LYPLA1: variants seen among roughly 807,000 people sequenced by gnomAD.
LYPLA1 encodes the protein lysophospholipase 1, also known as acyl-protein thioesterase 1.
In LYPLA1, 17 loss-of-function variants were observed where a neutral mutation model predicts 34.0. The observed-to-expected ratio is 0.50, with a 90% CI of 0.34 to 0.75. The LOEUF (loss-of-function observed/expected upper bound fraction) is 0.75, where lower values mean the gene tolerates loss of function less well. Among genes scored for constraint, LYPLA1 ranks in the 30% least tolerant of loss-of-function variants. LYPLA1 has a pLI of 0.01. For synonymous variants in LYPLA1, 98 were observed against 100.8 expected (o/e 0.97, Z 0.17); for missense variants, 203 against 288.8 (o/e 0.70, Z 2.15).
chr8:54,076,556 C>A (rs914874351), intron 2 of LYPLA1, among the ~76,000 whole-genome samples: 21 of 152,152 alleles, frequency 1.4e-4, no homozygotes, highest in African/African-American at 5.1e-4. Context: ...TATAAACTGG[C>A]CCCAAAACTG....
chr8:54,076,288 G>A (rs934593621), intron 2 of LYPLA1, among the ~76,000 whole-genome samples: 22 of 152,182 alleles, frequency 1.4e-4, no homozygotes, highest in South Asian at 6.2e-4. Flanking sequence ...TTAATGCCAG[G>A]AACTGGAGTG....
At chr8:54,080,681 G>A (rs1478876512) in intron 2 of LYPLA1, among the ~76,000 whole-genome samples, 1 of 152,098 alleles carries the variant, frequency 6.6e-6, no homozygotes, top group Non-Finnish European at 1.5e-5. Flanking sequence ...TCCGCCTCCT[G>A]AGTAAAAGTG....
chr8:54,081,781 G>A (rs1430936359), intron 2 of LYPLA1, among the ~76,000 whole-genome samples: 31 of 151,024 alleles, frequency 2.1e-4, no homozygotes, highest in Non-Finnish European at 3.8e-4. Flanking sequence ...CCAGGCTGGA[G>A]TGCAATGGTG....
intron 7 of LYPLA1, among the ~76,000 whole-genome samples, 169 bp downstream of exon 7, chr8:54,052,486 G>T (rs1805912639): frequency 6.6e-6 from 1 of 152,088 alleles, no homozygotes; most frequent in Non-Finnish European, 1.5e-5. Context: ...TGTGGGGACA[G>T]GAGGTAGATA....
intron 2 of LYPLA1, among the ~76,000 whole-genome samples, chr8:54,090,181 A>T (rs991408020): frequency 6.6e-6 from 1 of 152,216 alleles, no homozygotes; most frequent in African/African-American, 2.4e-5. Context: ...CCACATGGAT[A>T]AGATAGGGCT....
intron 2 of LYPLA1, among the ~76,000 whole-genome samples, chr8:54,074,165 T>C (rs7016108): frequency 0.13 from 19,782 of 152,076 alleles, 3,415 homozygotes; most frequent in African/African-American, 0.4. Context: ...TCCCAGCTAC[T>C]TGGGAGACTG....
intron 2 of LYPLA1, among the ~76,000 whole-genome samples, chr8:54,086,437 T>TAAAAAAAAAAAAAAAAAAA (rs1808774324): frequency 9.2e-5 from 3 of 32,730 alleles, no homozygotes; most frequent in Non-Finnish European, 1.6e-4. Context: ...ACTAAAAAAA[T>TAAAAAAAAAAAAAAAAAAA]TAAAAAAAAA....
chr8:54,091,308 T>C (rs544887392), intron 2 of LYPLA1, among the ~76,000 whole-genome samples: 3 of 151,884 alleles, frequency 2.0e-5, no homozygotes, highest in African/African-American at 7.2e-5. Context: ...GCCAACACGG[T>C]GAAACCCTGT....
chr8:54,089,623 A>T (rs1809070385), intron 2 of LYPLA1, among the ~76,000 whole-genome samples: 1 of 150,850 alleles, frequency 6.6e-6, no homozygotes, highest in South Asian at 2.1e-4. Context: ...CTTGTTTGCC[A>T]ACCTCTTTTT....
intron 6 of LYPLA1, among the ~76,000 whole-genome samples, chr8:54,054,004 G>C (rs1338531280): frequency 6.6e-6 from 1 of 152,154 alleles, no homozygotes; most frequent in Non-Finnish European, 1.5e-5. Context: ...TTTTGAGACA[G>C]AGTCTCAGCT....
chr8:54,099,207 C>A (rs1430040549), intron 2 of LYPLA1, among the ~76,000 whole-genome samples: 1 of 152,072 alleles, frequency 6.6e-6, no homozygotes, highest in African/African-American at 2.4e-5. Flanking sequence ...AACCTTCTCC[C>A]TGACTTGCAA....
chr8:54,070,781 CAAT>C (rs1490020487), intron 2 of LYPLA1, among the ~76,000 whole-genome samples: 1 of 152,066 alleles, frequency 6.6e-6, no homozygotes, highest in African/African-American at 2.4e-5. Context: ...TATGATTCAA[CAAT>C]GAGAAGGAAG....
intron 2 of LYPLA1, among the ~76,000 whole-genome samples, chr8:54,079,845 A>G (rs1434914359): frequency 2.0e-5 from 3 of 152,094 alleles, no homozygotes; most frequent in Non-Finnish European, 2.9e-5. Context: ...CCTGTCTGTT[A>G]TCTCTGCAAA....
chr8:54,101,314 T>C (rs577593234), intron 1 of LYPLA1: 139 of 1,075,662 alleles, frequency 1.3e-4, no homozygotes, highest in Non-Finnish European at 1.5e-4. Flanking sequence ...GTTTGACTTT[T>C]CATACACGAG....
intron 2 of LYPLA1, among the ~76,000 whole-genome samples, chr8:54,084,998 CTCTTCCTCT>C (rs1808602548): frequency 8.3e-6 from 1 of 120,004 alleles, no homozygotes; most frequent in African/African-American, 6.5e-5. Flanking sequence ...CCTCTCCCTC[CTCTTCCTCT>C]CCCTCTCCCT....
intron 2 of LYPLA1, among the ~76,000 whole-genome samples, chr8:54,070,774 G>A (rs1478089371): frequency 6.6e-6 from 1 of 152,182 alleles, no homozygotes; most frequent in Non-Finnish European, 1.5e-5. Context: ...AACGGAGTAT[G>A]ATTCAACAAT....
intron 2 of LYPLA1, among the ~76,000 whole-genome samples, chr8:54,078,363 A>G (rs922601601): frequency 6.6e-6 from 1 of 152,178 alleles, no homozygotes; most frequent in Non-Finnish European, 1.5e-5. Context: ...CACCAAACCA[A>G]TCTGAGTTTA....
intron 2 of LYPLA1, among the ~76,000 whole-genome samples, chr8:54,068,934 A>G (rs1807272563): frequency 6.6e-6 from 1 of 152,240 alleles, no homozygotes; most frequent in Admixed American, 6.5e-5. Context: ...TAAAGTGTCT[A>G]GTATCCATAA....
intron 2 of LYPLA1, among the ~76,000 whole-genome samples, chr8:54,074,002 T>C (rs1807691962): frequency 6.6e-6 from 1 of 152,132 alleles, no homozygotes; most frequent in South Asian, 2.1e-4. Flanking sequence ...CAGCCAGGTG[T>C]GGTGACTCAT....
Sources: gnomAD v4.1 joint callset for allele counts (sites outside exome capture counted in the v4.1 genomes callset) on GRCh38, gnomAD v4.1.1 for gene constraint, MANE v1.5 for transcripts, NCBI Gene and HGNC (gene_info 2026-07-23, HGNC 2026-07-21) for gene names.